IPP: variants seen among roughly 807,000 people sequenced by gnomAD.
IPP encodes actin-binding protein IPP.
In IPP, 41 loss-of-function variants were observed where a neutral mutation model predicts 64.1. That is an observed-to-expected ratio of 0.64 (90% confidence interval 0.50 to 0.83). IPP has a LOEUF of 0.83. Ranked by LOEUF, IPP falls within the 40% of genes least tolerant of loss-of-function variation. IPP has a pLI of 0.00. For missense variants in IPP, 649 were observed against 703.0 expected, an observed-to-expected ratio of 0.92 and a Z score of 0.87; for synonymous variants, 214 against 235.2, an observed-to-expected ratio of 0.91 and a Z score of 0.83.
downstream of IPP, among the ~76,000 whole-genome samples, chr1:45,695,426 G>T (rs1238260009): frequency 6.6e-6 from 1 of 152,112 alleles, no homozygotes; most frequent in African/African-American, 2.4e-5. Flanking sequence ...CTCCCAAAGT[G>T]TTAGGATTGC....
downstream of IPP, among the ~76,000 whole-genome samples, chr1:45,695,912 A>T (rs1645383958): frequency 6.6e-6 from 1 of 152,214 alleles, no homozygotes; most frequent in African/African-American, 2.4e-5. Flanking sequence ...CAGGTGACCC[A>T]CCCACCTTGG....
At chr1:45,721,412 C>T (rs971702569) in intron 5 of IPP, among the ~76,000 whole-genome samples, 10 of 152,210 alleles carry the variant, frequency 6.6e-5, no homozygotes, top group African/African-American at 2.2e-4. Context: ...ACCTTGGGCA[C>T]TATGTCTCTA....
chr1:45,695,468 T>C (rs1477762490), downstream of IPP, among the ~76,000 whole-genome samples: 1 of 152,162 alleles, frequency 6.6e-6, no homozygotes, highest in Non-Finnish European at 1.5e-5. Context: ...GTGCAGAAGC[T>C]TTCTTAAAAC....
At position 45,698,717 on chromosome 1, in the gene IPP, CTTTT is replaced by C. The variant is rs78627575; in HGVS notation, c.*1245_*1248del. The C allele has an allele frequency of 0.018, 13,158 of 739,980 alleles. 3 individuals are homozygous for C. Among genetic ancestry groups the C allele is most frequent in the Non-Finnish European group, 0.02 (12,469 of 622,184 alleles). The allele number at this position is 739,980 out of a possible 1,614,324, so 45.8% of individuals were successfully genotyped here. ...AGCAAAAAAGGAAGAATTTTTTTTT[CTTTT>C]TTTTTTTTTTTTTTTGAGACAGGTT... On this transcript the variant is annotated 3_prime_UTR_variant, in exon 9 of 9. Transcript: ENST00000396478.
chr1:45,730,134 G>T (rs1645887644), intron 3 of IPP, among the ~76,000 whole-genome samples: 1 of 152,178 alleles, frequency 6.6e-6, no homozygotes, highest in Non-Finnish European at 1.5e-5. Flanking sequence ...GATTGCTTGA[G>T]CCCAGGAGTT....
At chr1:45,705,056 C>T (rs1048847269) in intron 8 of IPP, among the ~76,000 whole-genome samples, 16 of 152,256 alleles carry the variant, frequency 1.1e-4, no homozygotes, top group Admixed American at 1.0e-3. Flanking sequence ...CCCCGCTCTG[C>T]AGAAGTAGTT....
At chr1:45,694,376 G>C, downstream of IPP, 1 of 954,422 alleles carries the variant, frequency 1.0e-6, no homozygotes, top group Non-Finnish European at 1.7e-6. Flanking sequence ...GAATAATATA[G>C]TTATCCACTT....
chr1:45,730,808 T>C (rs1309988172), intron 3 of IPP, among the ~76,000 whole-genome samples: 2 of 152,196 alleles, frequency 1.3e-5, no homozygotes, highest in Admixed American at 6.5e-5. Context: ...AATGGTCAAC[T>C]AACAAAATCT....
chr1:45,736,899 C>T (rs1253147443), intron 3 of IPP, among the ~76,000 whole-genome samples: 2 of 151,622 alleles, frequency 1.3e-5, no homozygotes, highest in African/African-American at 2.4e-5. Flanking sequence ...AAAAATTAGC[C>T]GGGCGTGGTG....
intron 3 of IPP, among the ~76,000 whole-genome samples, chr1:45,736,377 A>C (rs556874064): frequency 6.6e-6 from 1 of 152,286 alleles, no homozygotes; most frequent in East Asian, 1.9e-4. Context: ...ATATCTAATA[A>C]TATTAAATTG....
At chr1:45,706,861 C>T (rs550052602) in intron 8 of IPP, among the ~76,000 whole-genome samples, 199 of 152,286 alleles carry the variant, frequency 1.3e-3, no homozygotes, top group African/African-American at 4.3e-3. Flanking sequence ...AAATACTCAG[C>T]AGCATAATAT....
Position 45,727,623 on chromosome 1 carries a change from A to G in IPP, c.1048+8T>C, listed in dbSNP as rs1557751962. 24 of 1,498,746 alleles carry G rather than the reference A, an allele frequency of 1.6e-5. No individual in the cohort carries two copies. Among genetic ancestry groups the G allele is most frequent in the Non-Finnish European group, 2.2e-5 (24 of 1,109,804 alleles). 92.8% of individuals were successfully genotyped at this position (1,498,746 alleles called of 1,614,324 possible). On this transcript the variant is annotated splice_region_variant and intron_variant, in intron 5 of 8. Transcript: ENST00000396478. ...CTAATTAAGAAAATAAGACATTTTT[A>G]TTATTACCTCCAATAGCGTAGACCA...
chr1:45,709,626 CGA>C (rs1645563730), intron 8 of IPP, among the ~76,000 whole-genome samples: 1 of 148,502 alleles, frequency 6.7e-6, no homozygotes, highest in Non-Finnish European at 1.5e-5. Context: ...GGGCAGATCA[CGA>C]GGTCAGGAGA....
At chr1:45,711,713 C>G (rs1645592788) in intron 8 of IPP, among the ~76,000 whole-genome samples, 1 of 149,118 alleles carries the variant, frequency 6.7e-6, no homozygotes, top group Admixed American at 6.7e-5. Context: ...CTGATCATGC[C>G]ACTGTACTCT....
chr1:45,720,456 C>T (rs534503222), intron 5 of IPP, among the ~76,000 whole-genome samples: 30 of 151,532 alleles, frequency 2.0e-4, no homozygotes, highest in African/African-American at 7.3e-4. Flanking sequence ...TGATAGTTAC[C>T]CCATATTGAC....
At chr1:45,740,779 A>G in intron 3 of IPP, 122 bp downstream of exon 3, 1 of 593,100 alleles carries the variant, frequency 1.7e-6, no homozygotes, top group Middle Eastern at 4.4e-4. Context: ...AAAGAAAAAA[A>G]AAGAGTAATC....
rs148507706 is a variant in IPP, at chr1:45,743,109, T to G, written c.293-1777A>C. Among the ~76,000 whole-genome samples the G allele has an allele frequency of 3.9e-5, 6 of 151,928 alleles. No individual in the cohort carries two copies. In the East Asian group the frequency reaches 1.2e-3, roughly 30 times the overall value. ...CGCACCACCATAACCAGCTAATTTT[T>G]GTATTTTCAGTAGGGACGAGGTTTC... On this transcript the variant is annotated intron_variant, in intron 2 of 8. Coordinates refer to ENST00000396478, the MANE Select transcript of IPP (RefSeq NM_005897.3).
At position 45,724,748 on chromosome 1, in the gene IPP, G is replaced by A. The variant is rs868566290; in HGVS notation, c.1048+2883C>T. ...TGAGGAAACCCTCTGCCTGGCAACCGCCCCGTCTAAGAAGTGAGGAGCCCC... is the reference window on the plus strand; with the variant it reads ...TGAGGAAACCCTCTGCCTGGCAACCACCCCGTCTAAGAAGTGAGGAGCCCC... On this transcript the variant is annotated intron_variant, in intron 5 of 8. Coordinates refer to ENST00000396478, the MANE Select transcript of IPP (RefSeq NM_005897.3). 2.1e-4 allele frequency among the ~76,000 whole-genome samples: 31 copies of A among 148,644 alleles called. No individual in the cohort carries two copies. In the Middle Eastern group the frequency reaches 0.014, roughly 69 times the overall value.
At position 45,727,749 on chromosome 1, in the gene IPP, G is replaced by C. The variant is rs1557752142; in HGVS notation, c.930C>G (p.Leu310=). 1.3e-6 allele frequency: 2 copies of C among 1,588,042 alleles called. No individual in the cohort carries two copies. The highest frequency in any genetic ancestry group is 1.7e-5 in the Admixed American group (1 of 59,716). ...AGGTGTCAAAACGTTCTACACAGCT[G>C]AGGGCTCTGCTATCACTCCAGCGAC... ...QGGRWSDSRA[L]SCVERFDTFS... The change falls in exon 5 of 9, where the codon CTC becomes CTG. Residue 310 remains leucine, a synonymous_variant. Transcript: ENST00000396478.
Sources: allele counts gnomAD v4.1 joint callset (sites outside exome capture counted in the v4.1 genomes callset), GRCh38; gene constraint gnomAD v4.1.1; transcripts MANE v1.5; gene names NCBI Gene and HGNC (gene_info 2026-07-23, HGNC 2026-07-21).